The following PPP1R37 variants were observed in gnomAD, a reference collection of about 807,000 sequenced individuals.
PPP1R37 encodes leucine rich repeat containing 68.
PPP1R37 carries 21 observed loss-of-function variants against 61.0 expected under a neutral mutation model. The observed-to-expected ratio is 0.34, with a 90% confidence interval of 0.24 to 0.50. PPP1R37 has a LOEUF of 0.50. Ranked by LOEUF, PPP1R37 falls within the 20% of genes least tolerant of loss-of-function variation. The pLI is 0.98. For missense variants in PPP1R37, 910 were observed against 952.7 expected, an observed-to-expected ratio of 0.96 and a Z score of 0.59; for synonymous variants, 443 against 433.5, an observed-to-expected ratio of 1.02 and a Z score of -0.27.
At chr19:45,104,084 C>G (rs977999578) in intron 1 of PPP1R37, among the ~76,000 whole-genome samples, 1 of 152,120 alleles carries the variant, frequency 6.6e-6, no homozygotes, top group African/African-American at 2.4e-5. Context: ...CGCCTAGACG[C>G]AGGCGCCTTT....
chr19:45,145,318 G>T (rs1236448354), intron 10 of PPP1R37, 35 bp from the exon 11 acceptor site: 1 of 1,523,274 alleles, frequency 6.6e-7, no homozygotes, highest in Non-Finnish European at 8.8e-7. Context: ...TGGTGGGGCC[G>T]GCCTGAGAGC....
In PPP1R37 at chr19:45,145,672, G is replaced by A. The variant is rs1968684460; in HGVS notation, c.1616G>A (p.Gly539Asp). The A allele has an allele frequency of 6.5e-7, 1 of 1,535,176 alleles. No individual in the cohort carries two copies. The highest frequency in any genetic ancestry group is 8.7e-7 in the Non-Finnish European group (1 of 1,146,458). ...CTGGTGCCCCCCACGGACTCCCTGGGCCCTGGGGACAGGAGTCCCCCAGGC... is the reference window on the plus strand; with the variant it reads ...CTGGTGCCCCCCACGGACTCCCTGGACCCTGGGGACAGGAGTCCCCCAGGC... ...PALVPPTDSL[G>D]PGDRSPPGSP... Residue 539 changes from glycine (G) to aspartate (D), a missense_variant, in exon 11 of 13, where the codon GGC (glycine) becomes GAC (aspartate). Coordinates refer to ENST00000221462, the MANE Select transcript of PPP1R37 (RefSeq NM_019121.2).
At chr19:45,119,741 G>T (rs1034285838) in intron 1 of PPP1R37, among the ~76,000 whole-genome samples, 1 of 152,322 alleles carries the variant, frequency 6.6e-6, no homozygotes, top group African/African-American at 2.4e-5. Flanking sequence ...TGGGAAAGTG[G>T]CCAGGTAGGG....
Position 45,138,517 on chromosome 19 carries a change from A to G in PPP1R37, c.206A>G (p.Gln69Arg). The change falls in exon 2 of 13, where the codon CAG becomes CGG. Residue 69 changes from glutamine (Q) to arginine (R), a missense_variant. By Grantham distance (43) the Gln-to-Arg change is conservative. Transcript: ENST00000221462. ...CCTGGGTCCCCTGTGCCTGCAGCCC[A>G]GAATGTGACCGTGGACGAGGTCATC... ...VEPKDPWRHA[Q>R]NVTVDEVIGA... 1 of 1,533,852 alleles carries G rather than the reference A, an allele frequency of 6.5e-7. No individual in the cohort carries two copies. Among genetic ancestry groups the G allele is most frequent in the Admixed American group, 2.0e-5 (1 of 50,950 alleles).
intron 1 of PPP1R37, among the ~76,000 whole-genome samples, chr19:45,111,781 CG>C (rs1374119470): frequency 8.2e-6 from 1 of 121,408 alleles, no homozygotes; most frequent in African/African-American, 3.2e-5. Context: ...TTGCGGGGGG[CG>C]GGGGTGGATG....
chr19:45,100,899 C>A (rs950330965), intron 1 of PPP1R37, among the ~76,000 whole-genome samples: 1 of 152,194 alleles, frequency 6.6e-6, no homozygotes, highest in Non-Finnish European at 1.5e-5. Context: ...CCCTTGGCCT[C>A]TGGGACGTGT....
At chr19:45,096,640 C>G (rs1318138369) in intron 1 of PPP1R37, among the ~76,000 whole-genome samples, 1 of 152,026 alleles carries the variant, frequency 6.6e-6, no homozygotes, top group East Asian at 1.9e-4. Flanking sequence ...GCAGTTGGAG[C>G]CTGGCTGGGA....
rs896830582 is a variant in PPP1R37, at chr19:45,144,934, G to A, written c.1068G>A (p.Gly356=). Residue 356 remains glycine (G), a synonymous_variant, in exon 9 of 13, where the codon GGG becomes GGA. Transcript: ENST00000221462. ...GNEGVRHLKN[G]LISNRSVLRL... is the part of the protein sequence containing the mutation. ...AGGGTGTGCGGCACCTCAAGAACGG[G>A]CTCATCAGCAACCGCAGCGTGCTGC... The A allele has an allele frequency of 6.5e-7, 1 of 1,535,738 alleles. No homozygotes were observed. Among genetic ancestry groups the A allele is most frequent in the Non-Finnish European group, 8.7e-7 (1 of 1,146,716 alleles).
At chr19:45,126,842 C>A (rs1049428914) in intron 1 of PPP1R37, among the ~76,000 whole-genome samples, 6 of 152,186 alleles carry the variant, frequency 3.9e-5, no homozygotes, top group African/African-American at 1.4e-4. Flanking sequence ...GATTATCTGC[C>A]GGAAGCCTCA....
intron 1 of PPP1R37, among the ~76,000 whole-genome samples, chr19:45,131,252 C>T (rs1207683679): frequency 1.3e-5 from 2 of 152,188 alleles, no homozygotes; most frequent in Admixed American, 6.5e-5. Flanking sequence ...GGGCGAGCGG[C>T]AGAGCCCCAT....
chr19:45,115,226 A>C (rs934336787), intron 1 of PPP1R37, among the ~76,000 whole-genome samples: 14 of 152,192 alleles, frequency 9.2e-5, no homozygotes, highest in Non-Finnish European at 1.8e-4. Flanking sequence ...GGAAGGAAAT[A>C]AACCAAGGCT....
intron 1 of PPP1R37, among the ~76,000 whole-genome samples, chr19:45,097,721 GTTC>G (rs1267492602): frequency 4.6e-5 from 7 of 151,946 alleles, no homozygotes; most frequent in African/African-American, 1.7e-4. Flanking sequence ...GCCATCTGAT[GTTC>G]TTCTGTTGTG....
intron 3 of PPP1R37, 107 bp from the exon 4 acceptor site, chr19:45,140,399 G>T (rs1167574957): frequency 2.4e-6 from 3 of 1,261,352 alleles, no homozygotes; most frequent in Non-Finnish European, 3.3e-6. Flanking sequence ...CTCAGCCAGG[G>T]CAGGGGCTGG....
intron 1 of PPP1R37, among the ~76,000 whole-genome samples, chr19:45,120,586 A>G (rs1968329924): frequency 6.6e-6 from 1 of 152,148 alleles, no homozygotes; most frequent in Admixed American, 6.5e-5. Flanking sequence ...GTATGTCTGT[A>G]GGATTAATCT....
intron 1 of PPP1R37, among the ~76,000 whole-genome samples, chr19:45,114,156 C>T (rs549233328): frequency 1.3e-5 from 2 of 152,358 alleles, no homozygotes; most frequent in South Asian, 4.1e-4. Context: ...GAGACTCAGC[C>T]ATGAAGGGTC....
In PPP1R37 at chr19:45,144,958, G is replaced by A; in HGVS notation, c.1092G>A (p.Leu364=). The A allele has an allele frequency of 2.0e-6, 3 of 1,535,526 alleles. No homozygotes were observed. Among genetic ancestry groups the A allele is most frequent in the Non-Finnish European group, 2.6e-6 (3 of 1,146,632 alleles). ...GGCTCATCAGCAACCGCAGCGTGCT[G>A]CGCCTCGGGCTGGCCTCCACCAAGC... ...KNGLISNRSV[L]RLGLASTKLT... The change falls in exon 9 of 13, where the codon CTG becomes CTA. Residue 364 remains leucine, a synonymous_variant. Transcript: ENST00000221462.
In PPP1R37 at chr19:45,121,874, A is replaced by C. The variant is rs1599700990; in HGVS notation, c.203-16640A>C. Among the ~76,000 whole-genome samples, 2 of 152,192 alleles carry C rather than the reference A, an allele frequency of 1.3e-5. No homozygotes were observed. The highest frequency in any genetic ancestry group is 3.8e-4 in the East Asian group (2 of 5,200). On this transcript the variant is annotated intron_variant, in intron 1 of 12. Coordinates refer to ENST00000221462, the MANE Select transcript of PPP1R37 (RefSeq NM_019121.2). The surrounding 1 kb of genome is among the most constrained non-coding windows in gnomAD (Gnocchi z 4.2). ...CCACTGCATTGGGCTTACATGACTG[A>C]TCAGACTCTGATTCTGTGTGGAGCA...
In PPP1R37 at chr19:45,140,278, A is replaced by C; in HGVS notation, c.343A>C (p.Lys115Gln). Residue 115 changes from lysine to glutamine, a missense_variant, in exon 3 of 13, where the codon AAA (lysine) becomes CAA (glutamine). Around this residue, in one of 3 missense-constraint regions of PPP1R37, gnomAD observed 280 missense variants for 382.2 expected, o/e 0.73. Coordinates refer to ENST00000221462, the MANE Select transcript of PPP1R37 (RefSeq NM_019121.2). ...GCACCGCCTCGACTGTCTGGACCTG[A>C]AAGGTGTGTGTCTGGCTAGGGGTTG... ...LGHRLDCLDL[K>Q]GEKLDYKTCE... 1 of 1,536,020 alleles carries C rather than the reference A, an allele frequency of 6.5e-7. No individual in the cohort carries two copies. Among genetic ancestry groups the C allele is most frequent in the Non-Finnish European group, 8.7e-7 (1 of 1,146,810 alleles).
At chr19:45,115,179 C>T (rs1353265850) in intron 1 of PPP1R37, among the ~76,000 whole-genome samples, 2 of 152,152 alleles carry the variant, frequency 1.3e-5, no homozygotes, top group African/African-American at 2.4e-5. Flanking sequence ...GTTGGCCAAC[C>T]AGCAGACAGC....
Sources: allele counts gnomAD v4.1 joint callset (sites outside exome capture counted in the v4.1 genomes callset), GRCh38; gene constraint gnomAD v4.1.1; regional missense constraint gnomAD v4.1.1; non-coding constraint Gnocchi (gnomAD v3.1); transcripts MANE v1.5; gene names NCBI Gene and HGNC (gene_info 2026-07-23, HGNC 2026-07-21).